The following NXPE4 variants were observed in gnomAD, a reference collection of about 807,000 sequenced individuals.
The protein encoded by NXPE4 is neurexophilin and PC-esterase domain family member 4, also known as NXPE family member 4.
A neutral mutation model predicts 33.3 loss-of-function variants in NXPE4; 42 were observed. That is an observed-to-expected ratio of 1.26 (90% CI 0.98 to 1.63). The LOEUF (loss-of-function observed/expected upper bound fraction) is 1.63. Ranked by LOEUF, NXPE4 falls within the 40% of genes most tolerant of loss-of-function variation. The pLI, the probability that NXPE4 is intolerant of heterozygous loss-of-function variation, is 0.00. For synonymous variants in NXPE4, 253 were observed against 234.9 expected, an observed-to-expected ratio of 1.08 and a Z score of -0.71; for missense variants, 709 against 647.6, an observed-to-expected ratio of 1.09 and a Z score of -1.03.
the NXPE4 span, among the ~76,000 whole-genome samples, chr11:114,668,774 C>T: frequency 1.3e-5 from 2 of 152,028 alleles, no homozygotes; most frequent in African/African-American, 4.8e-5. Context: ...ACTATTAGGA[C>T]AGCATTTTTG....
chr11:114,632,082 AT>A, the NXPE4 span, among the ~76,000 whole-genome samples: 1 of 145,236 alleles, frequency 6.9e-6, no homozygotes, highest in African/African-American at 2.5e-5. Context: ...GTATAATATT[AT>A]TATATTGTAA....
chr11:114,675,779 C>T, the NXPE4 span, among the ~76,000 whole-genome samples: 65 of 151,832 alleles, frequency 4.3e-4, no homozygotes, highest in African/African-American at 1.2e-3. Context: ...CACAAAAGAC[C>T]GCAAATAGCC....
At chr11:114,636,278 T>A in the NXPE4 span, among the ~76,000 whole-genome samples, 1 of 152,060 alleles carries the variant, frequency 6.6e-6, no homozygotes, top group African/African-American at 2.4e-5. Context: ...TCTCTGATGG[T>A]AGTTTGTATT....
the NXPE4 span, among the ~76,000 whole-genome samples, chr11:114,663,350 G>T: frequency 6.6e-6 from 1 of 152,148 alleles, no homozygotes; most frequent in African/African-American, 2.4e-5. Flanking sequence ...CCAATGTCTG[G>T]ATTGGTGGGC....
chr11:114,577,058 CATATATATATATAAA>C (rs1565329271), intron 5 of NXPE4, among the ~76,000 whole-genome samples: 185 of 29,930 alleles, frequency 6.2e-3, no homozygotes, highest in Admixed American at 0.031. Flanking sequence ...TATATATATA[CATATATATATATAAA>C]GTTATATATA....
the NXPE4 span, among the ~76,000 whole-genome samples, chr11:114,620,116 A>G: frequency 6.6e-6 from 1 of 151,622 alleles, no homozygotes; most frequent in African/African-American, 2.4e-5. Flanking sequence ...CCAGTGGATA[A>G]TACGTATTTC....
the NXPE4 span, among the ~76,000 whole-genome samples, chr11:114,657,763 T>C: frequency 6.6e-6 from 1 of 152,160 alleles, no homozygotes; most frequent in African/African-American, 2.4e-5. Flanking sequence ...TAAGAACCCC[T>C]GATTTAGCAC....
chr11:114,661,445 G>A, the NXPE4 span, among the ~76,000 whole-genome samples: 2 of 152,116 alleles, frequency 1.3e-5, no homozygotes, highest in Non-Finnish European at 2.9e-5. Context: ...AGGATCCATG[G>A]TGAGCCAGCC....
chr11:114,675,445 A>G, the NXPE4 span, among the ~76,000 whole-genome samples: 1 of 151,906 alleles, frequency 6.6e-6, no homozygotes, highest in Non-Finnish European at 1.5e-5. Flanking sequence ...ACTGTTGAAC[A>G]AATTCAGTAA....
At chr11:114,622,297 T>C in the NXPE4 span, among the ~76,000 whole-genome samples, 1 of 151,880 alleles carries the variant, frequency 6.6e-6, no homozygotes, top group African/African-American at 2.4e-5. Flanking sequence ...TGCTGGATAA[T>C]AATTGTTGCC....
chr11:114,608,535 C>G, the NXPE4 span, among the ~76,000 whole-genome samples: 11 of 151,908 alleles, frequency 7.2e-5, no homozygotes, highest in East Asian at 2.1e-3. Context: ...GCACTGTTAC[C>G]CGGTGGATAA....
intron 5 of NXPE4, among the ~76,000 whole-genome samples, chr11:114,574,803 A>G (rs1948961343): frequency 1.3e-5 from 2 of 152,148 alleles, no homozygotes; most frequent in Admixed American, 6.5e-5. Flanking sequence ...CTATTCCAAA[A>G]GACAGAGAAA....
At chr11:114,581,429 T>C (rs998371616) in intron 4 of NXPE4, among the ~76,000 whole-genome samples, 15 of 152,076 alleles carry the variant, frequency 9.9e-5, no homozygotes, top group Non-Finnish European at 1.6e-4. Flanking sequence ...GGTAAAGAAG[T>C]GGGTATAGAA....
At chr11:114,583,303 G>T in intron 2 of NXPE4, 1 of 635,576 alleles carries the variant, frequency 1.6e-6, no homozygotes, top group Non-Finnish European at 2.9e-6. Context: ...ACTACGATAG[G>T]GGTGTTGGAA....
chr11:114,631,365 C>T, the NXPE4 span, among the ~76,000 whole-genome samples: 1 of 151,744 alleles, frequency 6.6e-6, no homozygotes, highest in Non-Finnish European at 1.5e-5. Context: ...GAGTTCATGT[C>T]CTTTGTAGGG....
At chr11:114,598,386 G>A (rs369169396), upstream of NXPE4, among the ~76,000 whole-genome samples, 2 of 141,126 alleles carry the variant, frequency 1.4e-5, no homozygotes, top group East Asian at 2.1e-4. Flanking sequence ...TTTTCTCACA[G>A]CTCCACTAGG....
At chr11:114,661,820 TAG>T in the NXPE4 span, among the ~76,000 whole-genome samples, 13 of 152,316 alleles carry the variant, frequency 8.5e-5, no homozygotes, top group South Asian at 2.1e-4. Context: ...AGTGAAAAGA[TAG>T]ACACAGAGGT....
At chr11:114,614,180 G>A in the NXPE4 span, among the ~76,000 whole-genome samples, 3 of 147,532 alleles carry the variant, frequency 2.0e-5, no homozygotes, top group Non-Finnish European at 4.5e-5. Context: ...CCTGTAATAA[G>A]AGGGATATTA....
chr11:114,601,826 A>T, the NXPE4 span, among the ~76,000 whole-genome samples: 1 of 71,280 alleles, frequency 1.4e-5, no homozygotes, highest in Non-Finnish European at 2.3e-5. Flanking sequence ...TATATATAAT[A>T]TATAATTATA....
Sources: allele counts gnomAD v4.1 joint callset (sites outside exome capture counted in the v4.1 genomes callset), GRCh38; gene constraint gnomAD v4.1.1; transcripts MANE v1.5; gene names NCBI Gene and HGNC (gene_info 2026-07-23, HGNC 2026-07-21).